Variants in RABEPK observed in about 807,000 individuals in gnomAD.
The protein encoded by RABEPK is 40 kDa Rab9 effector protein.
Under a neutral mutation model 34.1 loss-of-function variants are expected in RABEPK, and 27 were observed. The observed-to-expected ratio is 0.79, with a 90% CI of 0.58 to 1.09. RABEPK has a LOEUF of 1.09. RABEPK is among the 50% of genes least tolerant of loss of function. The probability of loss-of-function intolerance (pLI) is 0.00; values close to 1 mark genes in which losing one functional copy is unlikely to be tolerated. For missense variants in RABEPK, 449 were observed against 462.6 expected, an observed-to-expected ratio of 0.97 and a Z score of 0.27; for synonymous variants, 172 against 169.2, an observed-to-expected ratio of 1.02 and a Z score of -0.13.
At chr9:125,209,495 G>A (rs112961698) in intron 3 of RABEPK, among the ~76,000 whole-genome samples, 6,957 of 152,058 alleles carry the variant, frequency 0.046, 207 homozygotes, top group South Asian at 0.067. Context: ...GATTACAGGC[G>A]CGTGCCACCA....
At chr9:125,220,350 A>G in intron 4 of RABEPK, 189 bp from the exon 5 acceptor site, 1 of 1,446,378 alleles carries the variant, frequency 6.9e-7, no homozygotes, top group Non-Finnish European at 9.1e-7. Flanking sequence ...GGGATTTTGG[A>G]CTGTCTTGGC....
intron 4 of RABEPK, 81 bp downstream of exon 4, chr9:125,213,603 T>G (rs1830728234): frequency 1.6e-6 from 2 of 1,219,168 alleles, no homozygotes; most frequent in Admixed American, 2.6e-5. Context: ...ATAAATCCAA[T>G]TATAATTCCA....
At chr9:125,226,631 C>T (rs982324865) in intron 5 of RABEPK, among the ~76,000 whole-genome samples, 1 of 151,812 alleles carries the variant, frequency 6.6e-6, no homozygotes, top group Non-Finnish European at 1.5e-5. Context: ...TTTGGGAGGC[C>T]AAGGTGGGCG....
intron 1 of RABEPK, among the ~76,000 whole-genome samples, chr9:125,201,325 G>A (rs867406352): frequency 3.9e-5 from 6 of 152,292 alleles, no homozygotes; most frequent in East Asian, 3.9e-4. Context: ...TTATGAAAAG[G>A]CCTGCCATAT....
chr9:125,203,591 G>C (rs1830035170), intron 2 of RABEPK, among the ~76,000 whole-genome samples: 1 of 152,212 alleles, frequency 6.6e-6, no homozygotes, highest in Admixed American at 6.6e-5. Context: ...AGGTTGTAGA[G>C]AGGTGGCAGT....
chr9:125,225,987 G>GA (rs965710512), intron 5 of RABEPK, among the ~76,000 whole-genome samples: 48 of 131,864 alleles, frequency 3.6e-4, no homozygotes, highest in Non-Finnish European at 4.1e-4. Context: ...AAAAGAAAAA[G>GA]AAAAAAAAAA....
In RABEPK at chr9:125,225,549, G is replaced by A. The variant is rs942501558; in HGVS notation, c.527-2361G>A. ...AAATATGAAAAAATTTAGGATGGGC[G>A]CAGTGGCTCATGCCTATAATCCCAA... On this transcript the variant is annotated intron_variant, in intron 5 of 7. Transcript: ENST00000373538. Among the ~76,000 whole-genome samples the A allele has an allele frequency of 3.9e-5, 6 of 152,114 alleles. No individual in the cohort carries two copies. In the East Asian group the frequency reaches 5.8e-4, roughly 15 times the overall value.
intron 2 of RABEPK, among the ~76,000 whole-genome samples, chr9:125,205,333 C>T (rs899806827): frequency 3.9e-5 from 6 of 152,182 alleles, no homozygotes; most frequent in Non-Finnish European, 7.4e-5. Context: ...CTTTTCCCAA[C>T]TAGTCTGTAA....
intron 4 of RABEPK, among the ~76,000 whole-genome samples, chr9:125,217,468 T>C (rs534238578): frequency 9.9e-5 from 15 of 152,248 alleles, no homozygotes; most frequent in Non-Finnish European, 1.5e-5. Flanking sequence ...TGGCGCAATC[T>C]CAGCTCACTG....
intron 3 of RABEPK, among the ~76,000 whole-genome samples, chr9:125,210,421 AAAAGG>A (rs1231030341): frequency 3.7e-4 from 54 of 146,908 alleles, no homozygotes; most frequent in African/African-American, 1.2e-3. Context: ...AAAAAAAAAA[AAAAGG>A]AAATGATTAT....
intron 2 of RABEPK, among the ~76,000 whole-genome samples, chr9:125,205,053 G>A (rs1208987218): frequency 1.3e-5 from 2 of 151,738 alleles, no homozygotes; most frequent in African/African-American, 4.8e-5. Context: ...AAACTCCTGG[G>A]CTCAGGCGAT....
chr9:125,208,911 A>C (rs1379223644), intron 3 of RABEPK, among the ~76,000 whole-genome samples: 1 of 151,978 alleles, frequency 6.6e-6, no homozygotes, highest in African/African-American at 2.4e-5. Flanking sequence ...TTATCTCTCA[A>C]CTAGACTTAC....
chr9:125,232,777 A>C (rs1832292609), intron 7 of RABEPK, 32 bp downstream of exon 7: 1 of 1,588,864 alleles, frequency 6.3e-7, no homozygotes, highest in Non-Finnish European at 8.6e-7. Flanking sequence ...ATCTTTAAAC[A>C]AATCTAAACA....
chr9:125,200,758 G>T lies in RABEPK; in HGVS notation c.-155G>T. The T allele has an allele frequency of 6.4e-6, 3 of 471,198 alleles. No individual in the cohort carries two copies. The highest frequency in any genetic ancestry group is 1.4e-4 in the East Asian group (2 of 14,396). The allele number at this position is 471,198 out of a possible 1,614,324, so 29.2% of individuals were successfully genotyped here. A position where few individuals can be genotyped will look rare whatever the true frequency, so the allele number is the denominator to read the frequency against. On this transcript the variant is annotated 5_prime_UTR_variant, in exon 1 of 8. Coordinates refer to ENST00000373538, the MANE Select transcript of RABEPK (RefSeq NM_005833.4). ...TGACCGAATCAGCCTGTTCTTTCCCGACCCCGTCTCCTATCCCCTAGAACT... is the reference window on the plus strand; with the variant it reads ...TGACCGAATCAGCCTGTTCTTTCCCTACCCCGTCTCCTATCCCCTAGAACT...
intron 6 of RABEPK, among the ~76,000 whole-genome samples, chr9:125,231,217 C>T (rs1042203516): frequency 3.3e-5 from 5 of 151,930 alleles, no homozygotes; most frequent in Non-Finnish European, 5.9e-5. Flanking sequence ...TCGCTTGAAT[C>T]CGGGAGGTGG....
chr9:125,217,772 T>C (rs1373509534), intron 4 of RABEPK, among the ~76,000 whole-genome samples: 1 of 152,154 alleles, frequency 6.6e-6, no homozygotes, highest in East Asian at 1.9e-4. Context: ...CTTCTGGGCC[T>C]GGAGGTGACA....
intron 6 of RABEPK, among the ~76,000 whole-genome samples, chr9:125,231,821 T>C (rs1472569563): frequency 6.0e-5 from 9 of 151,078 alleles, no homozygotes; most frequent in South Asian, 4.2e-4. Context: ...AGAAATTTCA[T>C]AGGGCTGTTA....
chr9:125,230,705 T>C (rs1263154577), intron 6 of RABEPK, among the ~76,000 whole-genome samples: 1 of 151,588 alleles, frequency 6.6e-6, no homozygotes, highest in African/African-American at 2.4e-5. Context: ...CCGGCTAATT[T>C]TTTGTATTTT....
At chr9:125,230,707 T>C (rs1251113998) in intron 6 of RABEPK, among the ~76,000 whole-genome samples, 2 of 151,666 alleles carry the variant, frequency 1.3e-5, no homozygotes, top group African/African-American at 4.8e-5. Context: ...GGCTAATTTT[T>C]TGTATTTTTA....
Sources: allele counts gnomAD v4.1 joint callset (sites outside exome capture counted in the v4.1 genomes callset), GRCh38; gene constraint gnomAD v4.1.1; transcripts MANE v1.5; gene names NCBI Gene and HGNC (gene_info 2026-07-23, HGNC 2026-07-21).